ATP1A1: variants seen among roughly 807,000 people sequenced by gnomAD.
The protein encoded by ATP1A1 is sodium/potassium-transporting ATPase subunit alpha-1.
A neutral mutation model predicts 114.8 loss-of-function variants in ATP1A1; 14 were observed. The ratio of observed to expected loss-of-function variants is 0.12; its 90% CI spans 0.08 to 0.19. The LOEUF is 0.19. Ranked by LOEUF, ATP1A1 falls within the 10% of genes least tolerant of loss-of-function variation. ATP1A1 has a pLI of 1.00. For missense variants in ATP1A1, 524 were observed against 1,290.7 expected (o/e 0.41, Z 9.10); for synonymous variants, 471 against 466.3 (o/e 1.01, Z -0.13).
intron 1 of ATP1A1, among the ~76,000 whole-genome samples, chr1:116,380,924 A>AG (rs935755294): frequency 2.0e-5 from 3 of 151,734 alleles, no homozygotes; most frequent in African/African-American, 4.8e-5. Context: ...TTAGAATGGA[A>AG]GGGGGAAAAA....
chr1:116,403,207 G>C (rs955203284), intron 21 of ATP1A1, among the ~76,000 whole-genome samples: 3 of 152,098 alleles, frequency 2.0e-5, no homozygotes, highest in African/African-American at 7.2e-5. Flanking sequence ...AGACACACAG[G>C]AAGAAGAGGA....
At chr1:116,392,684 G>A in intron 10 of ATP1A1, 170 bp from the exon 11 acceptor site, 6 of 701,632 alleles carry the variant, frequency 8.6e-6, no homozygotes. Context: ...AACAGCAGTG[G>A]TCGGGGCTAG....
chr1:116,399,594 G>A lies in ATP1A1; in HGVS notation c.2572+51G>A, dbSNP rs1333342781. The stretch of plus-strand genomic sequence containing the variant: ...CTGGCACATCTAAGGCATCTGAGGT[G>A]ATGGTGTCCACCTCAGGTTGAGGTT... On this transcript the variant is annotated intron_variant, in intron 18 of 22. Coordinates refer to ENST00000295598, the MANE Select transcript of ATP1A1 (RefSeq NM_000701.8). The surrounding 1 kb of genome is among the most constrained non-coding windows in gnomAD (Gnocchi z 5.0). 2 of 1,608,276 alleles carry A rather than the reference G, an allele frequency of 1.2e-6. No individual in the cohort carries two copies. Among genetic ancestry groups the A allele is most frequent in the Non-Finnish European group, 1.7e-6 (2 of 1,176,984 alleles).
rs774930763 is a variant in ATP1A1, at chr1:116,388,116, T to C, written c.388-15T>C. On this transcript the variant is annotated splice_polypyrimidine_tract_variant and intron_variant, in intron 4 of 22. Transcript: ENST00000295598. The surrounding 1 kb of genome is among the most constrained non-coding windows in gnomAD (Gnocchi z 5.6). Reference sequence around the variant, plus strand: ...GTGTAGAGCCACGGGCCCTAACTTGTCTTTTCCCTTCCAGCTGTACCTGGG... The same window carrying C: ...GTGTAGAGCCACGGGCCCTAACTTGCCTTTTCCCTTCCAGCTGTACCTGGG... 6.3e-7 allele frequency: 1 copy of C among 1,584,906 alleles called. No homozygotes were observed. The highest frequency in any genetic ancestry group is 8.6e-7 in the Non-Finnish European group (1 of 1,156,852).
At position 116,401,225 on chromosome 1, in the gene ATP1A1, G is replaced by C; in HGVS notation, c.2814G>C (p.Lys938Asn). 6.2e-7 allele frequency: 1 copy of C among 1,614,226 alleles called. No individual in the cohort carries two copies. Among genetic ancestry groups the C allele is most frequent in the Non-Finnish European group, 8.5e-7 (1 of 1,180,036 alleles). ...VVQWADLVIC[K>N]TRRNSVFQQG... ...AGTGGGCCGACTTGGTCATCTGTAA[G>C]ACCAGGAGGAATTCGGTCTTCCAGC... Residue 938 changes from lysine (K) to asparagine (N), a missense_variant, in exon 20 of 23, where the codon AAG (lysine) becomes AAC (asparagine). Physicochemically the swap from Lys to Asn is moderately conservative, Grantham distance 94. Transcript: ENST00000295598. This position sits in a 1 kb window ranked among gnomAD's most constrained non-coding sequence, Gnocchi z 4.7.
chr1:116,389,784 G>T lies in ATP1A1; in HGVS notation c.1023+77G>T, dbSNP rs1652320852. The T allele has an allele frequency of 1.3e-6, 2 of 1,561,838 alleles. No homozygotes were observed. Among genetic ancestry groups the T allele is most frequent in the Non-Finnish European group, 1.7e-6 (2 of 1,147,906 alleles). On this transcript the variant is annotated intron_variant, in intron 8 of 22. Transcript: ENST00000295598. This position sits in a 1 kb window ranked among gnomAD's most constrained non-coding sequence, Gnocchi z 6.9. The stretch of plus-strand genomic sequence containing the variant: ...ACACTCTTCCGCTATCCTATTCTAA[G>T]GTATTGCCAACTTATGTTTTATTCT...
chr1:116,396,824 TCTAGG>T (rs1236950784), intron 14 of ATP1A1, 90 bp downstream of exon 14: 1 of 1,423,804 alleles, frequency 7.0e-7, no homozygotes, highest in Admixed American at 2.8e-5. Flanking sequence ...ATGGTTTGCA[TCTAGG>T]CTTGCTCTGA....
At chr1:116,391,549 T>C (rs1416674593) in intron 10 of ATP1A1, among the ~76,000 whole-genome samples, 1 of 152,196 alleles carries the variant, frequency 6.6e-6, no homozygotes, top group Non-Finnish European at 1.5e-5. Context: ...TATGTGAGGC[T>C]CTCTGGGTCC....
Position 116,388,883 on chromosome 1 carries a change from T to C in ATP1A1, c.637-19T>C, listed in dbSNP as rs1015173398. On this transcript the variant is annotated intron_variant, in intron 6 of 22. Transcript: ENST00000295598. The surrounding 1 kb of genome is among the most constrained non-coding windows in gnomAD (Gnocchi z 5.6). ...CTGGTGTATTCACATGACATTTTTC[T>C]TCTTTTCCTCACATATAGGTGGATA... 6.2e-7 allele frequency: 1 copy of C among 1,613,664 alleles called. No individual in the cohort carries two copies. The highest frequency in any genetic ancestry group is 1.3e-5 in the African/African-American group (1 of 74,868).
rs780391814 is a variant in ATP1A1 at position 116,387,360 on chromosome 1, A to G, written c.256A>G (p.Thr86Ala). 10 of 1,613,410 alleles carry G rather than the reference A, an allele frequency of 6.2e-6. No homozygotes were observed. The Admixed American group carries it at 1.7e-4, about 27-fold the overall frequency. ...CAACGCCCTCACTCCCCCTCCCACT[A>G]CTCCTGAATGGATCAAGTTTTGTCG... ...GPNALTPPPT[T>A]PEWIKFCRQL... The change falls in exon 4 of 23, where the codon ACT becomes GCT. Residue 86 changes from threonine to alanine, a missense_variant. Thr to Ala is a moderately conservative substitution (Grantham distance 58). Coordinates refer to ENST00000295598, the MANE Select transcript of ATP1A1 (RefSeq NM_000701.8). This position sits in a 1 kb window ranked among gnomAD's most constrained non-coding sequence, Gnocchi z 6.7.
At chr1:116,373,634 C>T (rs1651139734) in intron 1 of ATP1A1, 111 bp downstream of exon 1, 1 of 1,212,244 alleles carries the variant, frequency 8.2e-7, no homozygotes. Context: ...GGAAGCGGCG[C>T]CGCGTGGAGT....
intron 14 of ATP1A1, among the ~76,000 whole-genome samples, chr1:116,396,956 A>T (rs1301091143): frequency 6.6e-6 from 1 of 152,218 alleles, no homozygotes; most frequent in Non-Finnish European, 1.5e-5. Flanking sequence ...TAAGAGCTTG[A>T]TATGGTGACC....
At position 116,389,309 on chromosome 1, in the gene ATP1A1, G is replaced by A; in HGVS notation, c.755-130G>A. On this transcript the variant is annotated intron_variant, in intron 7 of 22. Transcript: ENST00000295598. The surrounding 1 kb of genome is among the most constrained non-coding windows in gnomAD (Gnocchi z 6.9). ...GCCAAACAGCATGTACAGCCAAAGA[G>A]CTGGCCCTTAAAAAGTGCTTTTATC... 8.1e-7 allele frequency: 1 copy of A among 1,227,866 alleles called. No homozygotes were observed. The highest frequency in any genetic ancestry group is 1.1e-6 in the Non-Finnish European group (1 of 875,746). The allele number at this position is 1,227,866 out of a possible 1,614,324, so 76.1% of individuals were successfully genotyped here. A position where few individuals can be genotyped will look rare whatever the true frequency, so the allele number is the denominator to read the frequency against.
At position 116,399,371 on chromosome 1, in the gene ATP1A1, A is replaced by G. The variant is rs760132449; in HGVS notation, c.2449-49A>G. On this transcript the variant is annotated intron_variant, in intron 17 of 22. Transcript: ENST00000295598. This position sits in a 1 kb window ranked among gnomAD's most constrained non-coding sequence, Gnocchi z 5.0. The stretch of plus-strand genomic sequence containing the variant: ...TTTATAACAAAAGGTTCACAATATT[A>G]GCTTCCTTATTTTTAGTAACTAAAT... 5.2e-5 allele frequency: 83 copies of G among 1,594,344 alleles called. No individual in the cohort carries two copies. Among genetic ancestry groups the G allele is most frequent in the Admixed American group, 2.7e-4 (15 of 55,810 alleles).
chr1:116,377,498 A>G (rs752438070), intron 1 of ATP1A1, among the ~76,000 whole-genome samples: 7 of 152,248 alleles, frequency 4.6e-5, no homozygotes, highest in Non-Finnish European at 7.3e-5. Context: ...AGAGGTGTCA[A>G]TTGACATTAT....
At position 116,389,758 on chromosome 1, in the gene ATP1A1, TAC is replaced by T; in HGVS notation, c.1023+54_1023+55del. The T allele has an allele frequency of 6.2e-7, 1 of 1,607,086 alleles. No homozygotes were observed. The highest frequency in any genetic ancestry group is 8.5e-7 in the Non-Finnish European group (1 of 1,175,040). ...GACTCAGATCAGCTTGCACGAATGT[TAC>T]ACTCTTCCGCTATCCTATTCTAAGG... is the stretch of plus-strand genomic sequence containing the variant. On this transcript the variant is annotated intron_variant, in intron 8 of 22. Coordinates refer to ENST00000295598, the MANE Select transcript of ATP1A1 (RefSeq NM_000701.8). This position sits in a 1 kb window ranked among gnomAD's most constrained non-coding sequence, Gnocchi z 6.9.
rs60076505 is a variant in ATP1A1, at chr1:116,393,350, AT to A, written c.1468-168del. Reference sequence around the variant, plus strand: ...AATTTATGAATATATCATAGTGCTCATTTTTTTTTTTTTCTGTAGCATTCAA... The same window carrying A: ...AATTTATGAATATATCATAGTGCTCATTTTTTTTTTTTCTGTAGCATTCAA... On this transcript the variant is annotated intron_variant, in intron 11 of 22. Transcript: ENST00000295598. The surrounding 1 kb of genome is among the most constrained non-coding windows in gnomAD (Gnocchi z 5.0). Among the ~76,000 whole-genome samples, 29,091 of 144,620 alleles carry A rather than the reference AT, an allele frequency of 0.2. 7,455 individuals are homozygous for A. The highest frequency in any genetic ancestry group is 0.6 in the African/African-American group (24,193 of 40,126). 94.9% of individuals were successfully genotyped at this position (144,620 alleles called of 152,430 possible).
rs529021711 is a variant in ATP1A1 at position 116,381,993 on chromosome 1, G to T, written c.13-2021G>T. On this transcript the variant is annotated intron_variant, in intron 1 of 22. Coordinates refer to ENST00000295598, the MANE Select transcript of ATP1A1 (RefSeq NM_000701.8). This position sits in a 1 kb window ranked among gnomAD's most constrained non-coding sequence, Gnocchi z 5.1. The stretch of plus-strand genomic sequence containing the variant: ...AGTTCAAGACCAGCCTGGCCAAGAT[G>T]GTGAAACCCCGTCTCTACTAAAAAT... Among the ~76,000 whole-genome samples the T allele has an allele frequency of 6.6e-6, 1 of 152,182 alleles. No homozygotes were observed. Among genetic ancestry groups the T allele is most frequent in the African/African-American group, 2.4e-5 (1 of 41,510 alleles).
chr1:116,383,322 C>T, intron 1 of ATP1A1: 1 of 1,072,784 alleles, frequency 9.3e-7, no homozygotes, highest in Non-Finnish European at 1.1e-6. Context: ...ATATGGGAAG[C>T]TGGTAAAGGT....
Sources: allele counts gnomAD v4.1 joint callset (sites outside exome capture counted in the v4.1 genomes callset), GRCh38; gene constraint gnomAD v4.1.1; non-coding constraint Gnocchi (gnomAD v3.1); transcripts MANE v1.5; gene names NCBI Gene and HGNC (gene_info 2026-07-23, HGNC 2026-07-21).